IFT57: variants seen among roughly 807,000 people sequenced by gnomAD.
The protein encoded by IFT57 is intraflagellar transport 57, also known as intraflagellar transport protein 57 homolog.
In IFT57, 59 loss-of-function variants were observed where a neutral mutation model predicts 56.8. The observed-to-expected ratio is 1.04, with a 90% CI of 0.84 to 1.29. IFT57 has a LOEUF of 1.29. Ranked by LOEUF, IFT57 falls within the 50% of genes most tolerant of loss-of-function variation. The pLI is 0.00. For missense variants in IFT57, 470 were observed against 522.1 expected (o/e 0.90, Z 0.97); for synonymous variants, 209 against 186.1 (o/e 1.12, Z -1.00).
At chr3:108,192,936 C>T (rs750233556) in intron 5 of IFT57, among the ~76,000 whole-genome samples, 1 of 150,164 alleles carries the variant, frequency 6.7e-6, no homozygotes, top group Admixed American at 6.6e-5. Context: ...TACTATGAGG[C>T]AAAGAAAAAA....
intron 3 of IFT57, among the ~76,000 whole-genome samples, chr3:108,216,152 GA>G (rs1197484374): frequency 6.6e-6 from 1 of 151,972 alleles, no homozygotes; most frequent in Non-Finnish European, 1.5e-5. Context: ...CAAACTTAAG[GA>G]AACAATCAAA....
At chr3:108,169,206 TC>T (rs1374139433) in intron 6 of IFT57, among the ~76,000 whole-genome samples, 1 of 152,098 alleles carries the variant, frequency 6.6e-6, no homozygotes, top group African/African-American at 2.4e-5. Flanking sequence ...AGATGGTATC[TC>T]ATTGTGGTTT....
At chr3:108,206,083 A>C (rs1000165633) in intron 5 of IFT57, among the ~76,000 whole-genome samples, 50 of 132,234 alleles carry the variant, frequency 3.8e-4, no homozygotes, top group South Asian at 3.7e-3. Flanking sequence ...TATTATATAT[A>C]AATAATATAT....
chr3:108,172,029 A>G (rs1306573339), intron 6 of IFT57, among the ~76,000 whole-genome samples: 1 of 151,892 alleles, frequency 6.6e-6, no homozygotes, highest in Non-Finnish European at 1.5e-5. Flanking sequence ...TGCTATTTCT[A>G]CCCAGCATTA....
intron 4 of IFT57, among the ~76,000 whole-genome samples, chr3:108,208,436 T>C (rs1247411353): frequency 2.6e-5 from 4 of 152,204 alleles, no homozygotes; most frequent in Admixed American, 6.5e-5. Context: ...AAGCAATCAA[T>C]AGATACTTCT....
intron 3 of IFT57, among the ~76,000 whole-genome samples, chr3:108,214,969 C>A (rs1335670986): frequency 6.6e-6 from 1 of 152,114 alleles, no homozygotes; most frequent in East Asian, 1.9e-4. Flanking sequence ...CATACCACAA[C>A]CTCTATACTC....
intron 9 of IFT57, among the ~76,000 whole-genome samples, chr3:108,164,910 T>C (rs991081159): frequency 7.9e-5 from 12 of 152,120 alleles, no homozygotes; most frequent in African/African-American, 2.4e-4. Flanking sequence ...TGGGAATATA[T>C]ATCAGGTCCT....
chr3:108,177,228 T>C (rs62262370), intron 6 of IFT57, among the ~76,000 whole-genome samples: 12,141 of 151,786 alleles, frequency 0.08, 590 homozygotes, highest in Middle Eastern at 0.11. Context: ...TAATTATCAG[T>C]GTTATCAGAA....
At chr3:108,199,372 T>C (rs4855624) in intron 5 of IFT57, among the ~76,000 whole-genome samples, 14,427 of 152,224 alleles carry the variant, frequency 0.095, 1,463 homozygotes, top group East Asian at 0.52. Context: ...AACAAGAATG[T>C]ATGGGAATAT....
chr3:108,162,530 T>C lies in IFT57; in HGVS notation c.1237A>G (p.Thr413Ala). Residue 413 changes from threonine to alanine, a missense_variant, in exon 11 of 11, where the codon ACT (threonine) becomes GCT (alanine). By Grantham distance (58) the Thr-to-Ala change is moderately conservative (BLOSUM62 0). Transcript: ENST00000264538. ...ATAACTGTGGCATGCATGTTCCTAGTCATGTTGGACTTCTCCTTCAGCTTT... is the reference window on the plus strand; with the variant it reads ...ATAACTGTGGCATGCATGTTCCTAGCCATGTTGGACTTCTCCTTCAGCTTT... ...QSKLKEKSNM[T>A]RNMHATVIPE... 6.2e-7 allele frequency: 1 copy of C among 1,611,978 alleles called. No individual in the cohort carries two copies. Among genetic ancestry groups the C allele is most frequent in the South Asian group, 1.1e-5 (1 of 90,802 alleles).
At position 108,208,705 on chromosome 3, in the gene IFT57, A is replaced by T. The variant is rs1046404936; in HGVS notation, c.586-2009T>A. Among the ~76,000 whole-genome samples the T allele has an allele frequency of 2.6e-5, 4 of 152,188 alleles. 1 individual carries two copies. In the Middle Eastern group the frequency reaches 9.5e-3, roughly 361 times the overall value. Reference sequence around the variant, plus strand: ...CAAAAGGAAGAATTCTTCAACCAGAAGATACAACAATGATTTGATTGAACA... The same window carrying T: ...CAAAAGGAAGAATTCTTCAACCAGATGATACAACAATGATTTGATTGAACA... On this transcript the variant is annotated intron_variant, in intron 4 of 10. Coordinates refer to ENST00000264538, the MANE Select transcript of IFT57 (RefSeq NM_018010.4).
chr3:108,204,080 T>C (rs1008083218), intron 5 of IFT57, among the ~76,000 whole-genome samples: 12 of 152,194 alleles, frequency 7.9e-5, no homozygotes, highest in Non-Finnish European at 1.5e-4. Context: ...CTAACCTATA[T>C]AGCAATTTTG....
chr3:108,208,849 C>T (rs2080328031), intron 4 of IFT57, among the ~76,000 whole-genome samples: 1 of 152,178 alleles, frequency 6.6e-6, no homozygotes. Context: ...CACTGGACTA[C>T]TCCAAAATGG....
intron 6 of IFT57, among the ~76,000 whole-genome samples, chr3:108,169,378 G>C (rs2080080772): frequency 6.6e-6 from 1 of 151,664 alleles, no homozygotes; most frequent in African/African-American, 2.4e-5. Context: ...TTAGATTCTG[G>C]ATACTAGACT....
chr3:108,219,678 C>G lies in IFT57; in HGVS notation c.213-106G>C, dbSNP rs534636487. 36 of 1,169,352 alleles carry G rather than the reference C, an allele frequency of 3.1e-5. 1 individual carries two copies. In the South Asian group the frequency reaches 4.1e-4, roughly 13 times the overall value. The allele number at this position is 1,169,352 out of a possible 1,614,324, so 72.4% of individuals were successfully genotyped here. ...AATTGTCCAACAATCTTTCTTCCCCCCAAATGGCCATCAAAAGACCTCGAT... is the reference window on the plus strand; with the variant it reads ...AATTGTCCAACAATCTTTCTTCCCCGCAAATGGCCATCAAAAGACCTCGAT... On this transcript the variant is annotated intron_variant, in intron 1 of 10. Transcript: ENST00000264538.
rs1454620713 is a variant in IFT57, at chr3:108,167,134, ATC to A, written c.850-151_850-150del. 4 of 622,538 alleles carry A rather than the reference ATC, an allele frequency of 6.4e-6. No homozygotes were observed. In the African/African-American group the frequency reaches 7.4e-5, roughly 12 times the overall value. The allele number at this position is 622,538 out of a possible 1,614,324, so 38.6% of individuals were successfully genotyped here. On this transcript the variant is annotated intron_variant, in intron 7 of 10. Coordinates refer to ENST00000264538, the MANE Select transcript of IFT57 (RefSeq NM_018010.4). ...CTTGAAATTTTCAATAGCACAAAATATCTGTGATGAGAAATATTTTAACCACA... is the reference window on the plus strand; with the variant it reads ...CTTGAAATTTTCAATAGCACAAAATATGTGATGAGAAATATTTTAACCACA...
chr3:108,215,371 G>C (rs1488455722), intron 3 of IFT57, among the ~76,000 whole-genome samples: 1 of 152,004 alleles, frequency 6.6e-6, no homozygotes, highest in African/African-American at 2.4e-5. Flanking sequence ...AGACCAGCCT[G>C]GGCAACATGG....
chr3:108,166,871 G>C lies in IFT57; in HGVS notation c.964C>G (p.Gln322Glu), dbSNP rs764185045. ...ENLVQEYRAA[Q>E]AQLSEAKERY... Reference sequence around the variant, plus strand: ...TAAATTACCTCACTCAGCTGGGCTTGAGCTGCACGATATTCTTGAACCAAA... The same window carrying C: ...TAAATTACCTCACTCAGCTGGGCTTCAGCTGCACGATATTCTTGAACCAAA... Residue 322 changes from glutamine to glutamate, a missense_variant, in exon 8 of 11, where the codon CAA becomes GAA. By Grantham distance (29) the Gln-to-Glu change is conservative. Transcript: ENST00000264538. 6.2e-7 allele frequency: 1 copy of C among 1,610,902 alleles called. No homozygotes were observed. Among genetic ancestry groups the C allele is most frequent in the Middle Eastern group, 1.7e-4 (1 of 6,036 alleles).
chr3:108,199,483 G>A (rs952316099), intron 5 of IFT57, among the ~76,000 whole-genome samples: 23 of 152,290 alleles, frequency 1.5e-4, no homozygotes, highest in South Asian at 8.3e-4. Context: ...AGATCAAAAT[G>A]AGAAAAGAGT....
Sources: allele counts gnomAD v4.1 joint callset (sites outside exome capture counted in the v4.1 genomes callset), GRCh38; gene constraint gnomAD v4.1.1; transcripts MANE v1.5; gene names NCBI Gene and HGNC (gene_info 2026-07-23, HGNC 2026-07-21).